Variants in DOCK2 observed in about 807,000 individuals in gnomAD.
The protein encoded by DOCK2 is dedicator of cytokinesis protein 2.
Under a neutral mutation model 248.9 loss-of-function variants are expected in DOCK2, and 87 were observed. That is an observed-to-expected ratio of 0.35 (90% CI 0.29 to 0.42). The LOEUF is 0.42. Among genes scored for constraint, DOCK2 ranks in the 10% least tolerant of loss-of-function variants. DOCK2 has a pLI of 1.00. For missense variants in DOCK2, 1,747 were observed against 2,300.2 expected, an observed-to-expected ratio of 0.76 and a Z score of 4.92; for synonymous variants, 805 against 821.6, an observed-to-expected ratio of 0.98 and a Z score of 0.35.
intron 22 of DOCK2, among the ~76,000 whole-genome samples, chr5:169,744,345 T>C (rs1257015947): frequency 1.3e-5 from 2 of 152,188 alleles, no homozygotes; most frequent in East Asian, 3.8e-4. Context: ...TCCAGTTCAG[T>C]CACATAATAT....
intron 33 of DOCK2, among the ~76,000 whole-genome samples, chr5:170,025,881 ATTC>A (rs34215118): frequency 0.037 from 5,173 of 138,380 alleles, 190 homozygotes; most frequent in African/African-American, 0.1. Context: ...CCGTCCATCC[ATTC>A]TTCTCTGCTC....
chr5:169,783,029 C>G (rs552719801), intron 25 of DOCK2, among the ~76,000 whole-genome samples: 2 of 152,204 alleles, frequency 1.3e-5, no homozygotes, highest in East Asian at 3.9e-4. Context: ...AGGAGCTTGC[C>G]TTTATTTGCA....
At chr5:169,673,298 G>A (rs1438974363) in intron 5 of DOCK2, among the ~76,000 whole-genome samples, 1 of 152,034 alleles carries the variant, frequency 6.6e-6, no homozygotes, top group Non-Finnish European at 1.5e-5. Context: ...GGGATTGTTA[G>A]GAATAACAAA....
At chr5:169,864,416 C>T in intron 27 of DOCK2, 3 of 1,550,134 alleles carry the variant, frequency 1.9e-6, no homozygotes, top group Non-Finnish European at 2.6e-6. Context: ...CTCTGCAAAA[C>T]TTCATGGAAC....
intron 27 of DOCK2, among the ~76,000 whole-genome samples, chr5:169,849,090 A>G (rs949620884): frequency 6.6e-6 from 1 of 152,184 alleles, no homozygotes. Flanking sequence ...GGATACGAGG[A>G]GGTGTGGTTC....
At chr5:170,025,095 T>G (rs1222540945) in intron 33 of DOCK2, among the ~76,000 whole-genome samples, 1 of 152,220 alleles carries the variant, frequency 6.6e-6, no homozygotes, top group Non-Finnish European at 1.5e-5. Flanking sequence ...ACAATAACAT[T>G]AGTGGTGATG....
chr5:170,020,328 T>C (rs1755678539), intron 33 of DOCK2, among the ~76,000 whole-genome samples: 1 of 152,220 alleles, frequency 6.6e-6, no homozygotes, highest in South Asian at 2.1e-4. Flanking sequence ...CCAAATGCCA[T>C]GTCACCTAGA....
chr5:169,699,937 G>A (rs1760868293), intron 12 of DOCK2, 77 bp from the exon 13 acceptor site: 1 of 1,583,722 alleles, frequency 6.3e-7, no homozygotes, highest in Non-Finnish European at 8.6e-7. Context: ...GAAAGACAGA[G>A]GGGAGAGGTG....
At chr5:170,077,022 C>T (rs1757861321) in intron 47 of DOCK2, among the ~76,000 whole-genome samples, 1 of 152,186 alleles carries the variant, frequency 6.6e-6, no homozygotes, top group South Asian at 2.1e-4. Context: ...CATCAGGTTT[C>T]ATAATTCACT....
chr5:169,689,143 C>A, intron 8 of DOCK2, 109 bp from the exon 9 acceptor site: 2 of 992,850 alleles, frequency 2.0e-6, no homozygotes, highest in Non-Finnish European at 3.1e-6. Flanking sequence ...CCTGCATACC[C>A]CCAGCAGCCA....
At chr5:169,919,585 T>A (rs1279749917) in intron 27 of DOCK2, among the ~76,000 whole-genome samples, 5 of 152,330 alleles carry the variant, frequency 3.3e-5, no homozygotes, top group Non-Finnish European at 7.3e-5. Context: ...CATTAATGGT[T>A]TGAAGAAGTG....
intron 25 of DOCK2, chr5:169,773,040 C>T (rs1056621920): frequency 7.2e-5 from 11 of 152,150 alleles, no homozygotes; most frequent in African/African-American, 2.2e-4. Flanking sequence ...CCACTTTGCC[C>T]GTTTCAACTG....
At chr5:170,079,972 T>C in intron 49 of DOCK2, 191 bp from the exon 50 acceptor site, 1 of 842,084 alleles carries the variant, frequency 1.2e-6, no homozygotes, top group South Asian at 2.2e-5. Flanking sequence ...TGTAGTTGTG[T>C]AGTGTGCAAC....
chr5:169,708,773 C>G (rs536637090), intron 15 of DOCK2, among the ~76,000 whole-genome samples: 56 of 152,234 alleles, frequency 3.7e-4, no homozygotes, highest in African/African-American at 1.3e-3. Context: ...CCTTGTAGGC[C>G]AGGCTGGTCT....
chr5:169,733,137 T>C (rs1722460083), intron 22 of DOCK2, among the ~76,000 whole-genome samples: 1 of 152,144 alleles, frequency 6.6e-6, no homozygotes, highest in Admixed American at 6.6e-5. Flanking sequence ...GATTTTTCTG[T>C]CCTTTTTCTC....
rs140977298 is a variant in DOCK2 at position 169,655,508 on chromosome 5, A to G, written c.127+1022A>G. Among the ~76,000 whole-genome samples the G allele has an allele frequency of 2.6e-5, 4 of 152,204 alleles. No homozygotes were observed. The East Asian group carries it at 7.7e-4, about 29-fold the overall frequency. ...GGAGTAGCCATCTTTGGTCCTTTCC[A>G]CAAAATAGACACTGTGCTAAGTTCT... On this transcript the variant is annotated intron_variant, in intron 2 of 51. Coordinates refer to ENST00000520908, the MANE Select transcript of DOCK2 (RefSeq NM_004946.3).
chr5:169,951,967 G>T (rs1274128605), intron 27 of DOCK2, among the ~76,000 whole-genome samples: 1 of 152,150 alleles, frequency 6.6e-6, no homozygotes, highest in Admixed American at 6.5e-5. Context: ...CTCTCAGCCA[G>T]GAAGTCACTC....
intron 6 of DOCK2, among the ~76,000 whole-genome samples, chr5:169,675,073 A>G (rs891909779): frequency 1.3e-5 from 2 of 152,244 alleles, no homozygotes; most frequent in Non-Finnish European, 2.9e-5. Context: ...TAATTCTTAT[A>G]ATAACTCTAT....
intron 27 of DOCK2, among the ~76,000 whole-genome samples, chr5:169,874,328 G>A (rs953897668): frequency 1.4e-5 from 2 of 146,582 alleles, no homozygotes; most frequent in African/African-American, 2.5e-5. Flanking sequence ...CAGAAAAATC[G>A]CTTAAACCTG....
Sources: gnomAD v4.1 joint callset for allele counts (sites outside exome capture counted in the v4.1 genomes callset) on GRCh38, gnomAD v4.1.1 for gene constraint, MANE v1.5 for transcripts, NCBI Gene and HGNC (gene_info 2026-07-23, HGNC 2026-07-21) for gene names.